The following ETV5 variants were observed in gnomAD, a reference collection of about 807,000 sequenced individuals.
The protein encoded by ETV5 is ETS variant transcription factor 5.
ETV5 carries 10 observed loss-of-function variants against 70.0 expected under a neutral mutation model. The observed-to-expected ratio is 0.14, with a 90% confidence interval of 0.09 to 0.24. The LOEUF is 0.24. Ranked by LOEUF, ETV5 falls within the 10% of genes least tolerant of loss-of-function variation. The pLI, the probability that ETV5 is intolerant of heterozygous loss-of-function variation, is 1.00. For missense variants in ETV5, 453 were observed against 651.2 expected (o/e 0.70, Z 3.31); for synonymous variants, 216 against 242.2 (o/e 0.89, Z 1.01).
chr3:186,083,118 T>C (rs1713971147), intron 5 of ETV5, among the ~76,000 whole-genome samples: 1 of 152,240 alleles, frequency 6.6e-6, no homozygotes, highest in Non-Finnish European at 1.5e-5. Context: ...TGAATGTTGC[T>C]AGTAAATGAG....
At chr3:186,058,926 T>C (rs1034653987) in intron 9 of ETV5, among the ~76,000 whole-genome samples, 5 of 151,324 alleles carry the variant, frequency 3.3e-5, no homozygotes, top group African/African-American at 1.2e-4. Flanking sequence ...GGCAGGAGAA[T>C]TGCTTGAATC....
In ETV5 at chr3:186,054,149, C is replaced by T. The variant is rs573962997; in HGVS notation, c.1210-2018G>A. On this transcript the variant is annotated intron_variant, in intron 11 of 12. Coordinates refer to ENST00000306376, the MANE Select transcript of ETV5 (RefSeq NM_004454.3). The surrounding 1 kb of genome is among the most constrained non-coding windows in gnomAD (Gnocchi z 4.4). ...CCCTGTGATTCTGTAGCCCTCACCA[C>T]GGCTGTTCCTTCTACAGTAATGCAT... Among the ~76,000 whole-genome samples, 7 of 152,344 alleles carry T rather than the reference C, an allele frequency of 4.6e-5. No homozygotes were observed. Among genetic ancestry groups the T allele is most frequent in the East Asian group, 3.9e-4 (2 of 5,180 alleles).
At chr3:186,093,596 C>A (rs1714237317) in intron 5 of ETV5, among the ~76,000 whole-genome samples, 1 of 152,152 alleles carries the variant, frequency 6.6e-6, no homozygotes, top group South Asian at 2.1e-4. Context: ...CTAAATTCTG[C>A]CCATGGAAGT....
rs138619028 is a variant in ETV5 at position 186,048,668 on chromosome 3, G to A, written c.1504C>T (p.Leu502Phe). 41 of 1,614,198 alleles carry A rather than the reference G, an allele frequency of 2.5e-5. No individual in the cohort carries two copies. The highest frequency in any genetic ancestry group is 3.4e-5 in the Non-Finnish European group (40 of 1,180,032). The change falls in exon 13 of 13, where the codon CTC becomes TTC. Residue 502 changes from leucine to phenylalanine, a missense_variant. This residue lies in a region of ETV5 where 74 missense variants were observed against 95.2 expected (regional missense o/e 0.78). Coordinates refer to ENST00000306376, the MANE Select transcript of ETV5 (RefSeq NM_004454.3). ...YLLDMDRCSS[L>F]PYAEGFAY The stretch of plus-strand genomic sequence containing the variant: ...TAAGCAAAGCCTTCGGCATAGGGGA[G>A]GCTGCTGCAGCGGTCCATGTCCAGG...
At position 186,081,058 on chromosome 3, in the gene ETV5, A is replaced by G. The variant is rs755799638; in HGVS notation, c.350T>C (p.Leu117Pro). 1.2e-6 allele frequency: 2 copies of G among 1,611,786 alleles called. No individual in the cohort carries two copies. The highest frequency in any genetic ancestry group is 1.3e-5 in the African/African-American group (1 of 74,944). ...CTTGCCCACTCACCAATAGTTGTAG[A>G]GGCACTTTTCTCCATAGTTAGCACC... ...ALGANYGEKC[L>P]YNYCAYDRKP... is the part of the protein sequence containing the mutation. Residue 117 changes from leucine to proline, a missense_variant, in exon 6 of 13, where the codon CTC (leucine) becomes CCC (proline). This residue lies in a region of ETV5 where 307 missense variants were observed against 344.9 expected (regional missense o/e 0.89). Coordinates refer to ENST00000306376, the MANE Select transcript of ETV5 (RefSeq NM_004454.3).
chr3:186,077,538 T>C (rs370655689), intron 7 of ETV5, among the ~76,000 whole-genome samples: 3 of 152,090 alleles, frequency 2.0e-5, no homozygotes, highest in African/African-American at 7.2e-5. Context: ...ACAAAGGCAG[T>C]AGGAATAGAA....
chr3:186,082,796 A>G (rs1345008907), intron 5 of ETV5, among the ~76,000 whole-genome samples: 1 of 152,240 alleles, frequency 6.6e-6, no homozygotes, highest in Non-Finnish European at 1.5e-5. Context: ...AGGTGCCTCT[A>G]TAATCCCAAA....
intron 5 of ETV5, among the ~76,000 whole-genome samples, chr3:186,103,417 G>A (rs1020164818): frequency 2.0e-5 from 3 of 152,126 alleles, no homozygotes; most frequent in Non-Finnish European, 4.4e-5. Context: ...TTTGAATGCA[G>A]CCATCTCATC....
chr3:186,080,823 G>C (rs1354405082), intron 6 of ETV5: 2 of 387,608 alleles, frequency 5.2e-6, no homozygotes, highest in East Asian at 8.2e-5. Flanking sequence ...TATGAACTTA[G>C]TGCTCTGTAG....
intron 1 of ETV5, chr3:186,106,969 G>C (rs936289466): frequency 2.0e-6 from 2 of 984,294 alleles, no homozygotes; most frequent in Admixed American, 6.1e-5. Context: ...AATTCAAAAT[G>C]CTTAAAGGTC....
At chr3:186,069,518 TTTAAAAAAAGTCTAAAAAAAGAC>T (rs1337217609) in intron 7 of ETV5, among the ~76,000 whole-genome samples, 1 of 140,478 alleles carries the variant, frequency 7.1e-6, no homozygotes, top group East Asian at 2.2e-4. Context: ...TTTTTTTTTT[TTTAAAAAAAGTCTAAAAAAAGAC>T]TTAAAAAAAA....
chr3:186,066,624 G>T (rs976591389), intron 7 of ETV5, among the ~76,000 whole-genome samples: 2 of 152,172 alleles, frequency 1.3e-5, no homozygotes, highest in African/African-American at 4.8e-5. Context: ...ATTGTTTTCA[G>T]AGGAAAAGAA....
At chr3:186,080,766 C>T (rs1445737003) in intron 6 of ETV5, 1 of 260,764 alleles carries the variant, frequency 3.8e-6, no homozygotes, top group African/African-American at 2.2e-5. Context: ...AGCCACAGAT[C>T]AAGTATCCCA....
At chr3:186,083,532 G>A (rs563279667) in intron 5 of ETV5, among the ~76,000 whole-genome samples, 5 of 152,160 alleles carry the variant, frequency 3.3e-5, no homozygotes, top group Admixed American at 1.3e-4. Context: ...GGAACTGCAC[G>A]TATCTAAAAG....
In ETV5 at chr3:186,057,391, C is replaced by T. The variant is rs1295764328; in HGVS notation, c.1039+32G>A. 2 of 1,612,682 alleles carry T rather than the reference C, an allele frequency of 1.2e-6. No individual in the cohort carries two copies. The highest frequency in any genetic ancestry group is 1.7e-5 in the Admixed American group (1 of 60,020). On this transcript the variant is annotated intron_variant, in intron 10 of 12. Coordinates refer to ENST00000306376, the MANE Select transcript of ETV5 (RefSeq NM_004454.3). The surrounding 1 kb of genome is among the most constrained non-coding windows in gnomAD (Gnocchi z 4.9). ...GTGTTCTGACACCTCCAAACCTCTA[C>T]CTGGCAACAAACCTTGGATGGGGCT...
intron 5 of ETV5, among the ~76,000 whole-genome samples, chr3:186,095,566 A>C (rs1714284334): frequency 6.6e-6 from 1 of 152,194 alleles, no homozygotes; most frequent in South Asian, 2.1e-4. Context: ...CCTTCTATCT[A>C]TAGCCCCACT....
intron 7 of ETV5, among the ~76,000 whole-genome samples, chr3:186,066,747 T>G (rs1455024763): frequency 6.6e-6 from 1 of 152,212 alleles, no homozygotes; most frequent in Non-Finnish European, 1.5e-5. Flanking sequence ...ATTCTAAACT[T>G]TATTTTGAAA....
At position 186,054,937 on chromosome 3, in the gene ETV5, G is replaced by A; in HGVS notation, c.1209+2138C>T. Among the ~76,000 whole-genome samples, 1 of 152,176 alleles carries A rather than the reference G, an allele frequency of 6.6e-6. No homozygotes were observed. Among genetic ancestry groups the A allele is most frequent in the East Asian group, 1.9e-4 (1 of 5,198 alleles). ...AAGCTTGGGGACTTCAAGGTGGGGT[G>A]GAAAGCACCATTTCCTGAAGAAACA... On this transcript the variant is annotated intron_variant, in intron 11 of 12. Transcript: ENST00000306376. The surrounding 1 kb of genome is among the most constrained non-coding windows in gnomAD (Gnocchi z 4.4).
intron 9 of ETV5, among the ~76,000 whole-genome samples, chr3:186,063,002 T>C (rs974676910): frequency 2.6e-5 from 4 of 152,190 alleles, no homozygotes; most frequent in Admixed American, 6.5e-5. Flanking sequence ...CTGGGCGCGG[T>C]AGTTCACGCC....
Sources: allele counts gnomAD v4.1 joint callset (sites outside exome capture counted in the v4.1 genomes callset), GRCh38; gene constraint gnomAD v4.1.1; regional missense constraint gnomAD v4.1.1; non-coding constraint Gnocchi (gnomAD v3.1); transcripts MANE v1.5; gene names NCBI Gene and HGNC (gene_info 2026-07-23, HGNC 2026-07-21).